Variants in ELAPOR1 observed in about 807,000 individuals in gnomAD.
The protein encoded by ELAPOR1 is endosome-lysosome associated apoptosis and autophagy regulator 1, also known as endosome/lysosome-associated apoptosis and autophagy regulator 1.
Under a neutral mutation model 119.7 loss-of-function variants are expected in ELAPOR1, and 77 were observed. That is an observed-to-expected ratio of 0.64 (90% CI 0.54 to 0.78). The LOEUF (loss-of-function observed/expected upper bound fraction) is 0.78, where lower values mean the gene tolerates loss of function less well. Among genes scored for constraint, ELAPOR1 ranks in the 30% least tolerant of loss-of-function variants. The probability of loss-of-function intolerance (pLI) is 0.00; values close to 1 mark genes in which losing one functional copy is unlikely to be tolerated. For missense variants in ELAPOR1, 1,115 were observed against 1,270.4 expected, an observed-to-expected ratio of 0.88 and a Z score of 1.86; for synonymous variants, 481 against 487.2, an observed-to-expected ratio of 0.99 and a Z score of 0.17.
chr1:109,118,334 G>A (rs567111155), intron 1 of ELAPOR1, among the ~76,000 whole-genome samples: 1 of 152,320 alleles, frequency 6.6e-6, no homozygotes, highest in South Asian at 2.1e-4. Context: ...TGGCTGAAAT[G>A]TGCAATAGTG....
intron 1 of ELAPOR1, among the ~76,000 whole-genome samples, chr1:109,148,921 T>C (rs893272123): frequency 1.3e-5 from 2 of 152,212 alleles, no homozygotes; most frequent in African/African-American, 4.8e-5. Flanking sequence ...ACATTTTGTT[T>C]CTTGGTGACA....
At chr1:109,138,057 G>A (rs746307030) in intron 1 of ELAPOR1, among the ~76,000 whole-genome samples, 1 of 152,170 alleles carries the variant, frequency 6.6e-6, no homozygotes, top group Admixed American at 6.5e-5. Context: ...CAACTAGTGG[G>A]AATCTCTTCT....
chr1:109,177,236 T>A (rs1355368861), intron 7 of ELAPOR1, among the ~76,000 whole-genome samples: 1 of 141,050 alleles, frequency 7.1e-6, no homozygotes, highest in African/African-American at 2.7e-5. Flanking sequence ...GGCGGGGGGC[T>A]GACCCCCCCA....
In ELAPOR1 at chr1:109,191,789, T is replaced by G. The variant is rs1246282015; in HGVS notation, c.1609T>G (p.Tyr537Asp). The change falls in exon 13 of 22, where the codon TAT becomes GAT. Residue 537 changes from tyrosine to aspartate, a missense_variant. By Grantham distance (160) the Tyr-to-Asp change is radical. Transcript: ENST00000369939. ...GAAAGGTTCCAAAGGCAAACAGTCCTATACCTACATCATTGAGGAGAACAC... is the reference window on the plus strand; with the variant it reads ...GAAAGGTTCCAAAGGCAAACAGTCCGATACCTACATCATTGAGGAGAACAC... ...TWKGSKGKQS[Y>D]TYIIEENTTT... is the part of the protein sequence containing the mutation. 1 of 1,614,100 alleles carries G rather than the reference T, an allele frequency of 6.2e-7. No individual in the cohort carries two copies. Among genetic ancestry groups the G allele is most frequent in the African/African-American group, 1.3e-5 (1 of 74,940 alleles).
chr1:109,136,562 G>A (rs1166811996), intron 1 of ELAPOR1, among the ~76,000 whole-genome samples: 2 of 152,184 alleles, frequency 1.3e-5, no homozygotes, highest in African/African-American at 4.8e-5. Context: ...GACGAATGCA[G>A]GCACCGTGAG....
chr1:109,157,574 T>A (rs779941532), intron 1 of ELAPOR1, among the ~76,000 whole-genome samples: 15 of 152,156 alleles, frequency 9.9e-5, no homozygotes, highest in Non-Finnish European at 2.2e-4. Flanking sequence ...ATAGCCTGCA[T>A]AACTATACAG....
At chr1:109,158,801 G>A (rs987250906) in intron 1 of ELAPOR1, among the ~76,000 whole-genome samples, 4 of 151,832 alleles carry the variant, frequency 2.6e-5, no homozygotes, top group African/African-American at 9.7e-5. Context: ...TGAGTAAACT[G>A]TCAGGGAATT....
At chr1:109,141,550 CGCCCA>C (rs1649831555) in intron 1 of ELAPOR1, among the ~76,000 whole-genome samples, 1 of 152,116 alleles carries the variant, frequency 6.6e-6, no homozygotes, top group African/African-American at 2.4e-5. Flanking sequence ...AGTGAGCCAC[CGCCCA>C]GCCCAAAGTA....
At position 109,195,895 on chromosome 1, in the gene ELAPOR1, G is replaced by T. The variant is rs139936055; in HGVS notation, c.2121+1301G>T. 4.8e-3 allele frequency among the ~76,000 whole-genome samples: 730 copies of T among 152,276 alleles called. 6 individuals are homozygous for T. The highest frequency in any genetic ancestry group is 0.017 in the African/African-American group (700 of 41,548). On this transcript the variant is annotated intron_variant, in intron 15 of 21. Coordinates refer to ENST00000369939, the MANE Select transcript of ELAPOR1 (RefSeq NM_020775.5). ...AAAGAGGCTGGGCATGGTGGCTCAC[G>T]CCTGTAATCCCAGCAATTTGGAGGC...
rs2101162476 is a variant in ELAPOR1, at chr1:109,205,273, G to T, written c.*2261G>T. ...TGTGCCCTTTCTCCAGTGACCATTT[G>T]GTGACCAGATGGTAGATATAGAAAG... On this transcript the variant is annotated 3_prime_UTR_variant, in exon 22 of 22. Transcript: ENST00000369939. 2 of 152,292 alleles carry T rather than the reference G, an allele frequency of 1.3e-5. No individual in the cohort carries two copies. The highest frequency in any genetic ancestry group is 2.1e-4 in the South Asian group (1 of 4,828). The allele number at this position is 152,292 out of a possible 1,614,324, so 9.4% of individuals were successfully genotyped here.
At chr1:109,147,898 C>T (rs985381013) in intron 1 of ELAPOR1, among the ~76,000 whole-genome samples, 16 of 151,590 alleles carry the variant, frequency 1.1e-4, no homozygotes, top group African/African-American at 3.6e-4. Context: ...GGCACCATCT[C>T]GTCTCACTGC....
chr1:109,179,497 G>T lies in ELAPOR1; in HGVS notation c.953-5548G>T, dbSNP rs1044606355. Among the ~76,000 whole-genome samples, 6 of 152,116 alleles carry T rather than the reference G, an allele frequency of 3.9e-5. No individual in the cohort carries two copies. The East Asian group carries it at 1.2e-3, about 29-fold the overall frequency. On this transcript the variant is annotated intron_variant, in intron 7 of 21. Transcript: ENST00000369939. ...ATTCAGCTTGGCTGGAGATTAGGTG[G>T]CGAGAAGTTGCATCTAAGGCTGAGA...
chr1:109,198,050 A>G lies in ELAPOR1; in HGVS notation c.2374A>G (p.Ile792Val), dbSNP rs370563341. The G allele has an allele frequency of 5.6e-6, 9 of 1,613,360 alleles. No homozygotes were observed. In the African/African-American group the frequency reaches 9.3e-5, roughly 17 times the overall value. ...AELFHLESLG[I>V]PDVIFFYRSN... ...ACTTTTCCACCTGGAGTCCTTGGGA[A>G]TACCGGACGTGATCTTCTTTTATAG... The change falls in exon 17 of 22, where the codon ATA (isoleucine) becomes GTA (valine). Residue 792 changes from isoleucine to valine, a missense_variant. Ile to Val is a conservative substitution (Grantham distance 29). Transcript: ENST00000369939.
intron 1 of ELAPOR1, among the ~76,000 whole-genome samples, chr1:109,129,373 G>C (rs909484513): frequency 6.6e-6 from 1 of 152,130 alleles, no homozygotes; most frequent in African/African-American, 2.4e-5. Flanking sequence ...AGCTGGGCGT[G>C]GTGGCACACG....
At chr1:109,127,029 T>TC (rs2100972192) in intron 1 of ELAPOR1, among the ~76,000 whole-genome samples, 1 of 152,186 alleles carries the variant, frequency 6.6e-6, no homozygotes, top group South Asian at 2.1e-4. Flanking sequence ...GTCTGTATTG[T>TC]CCCTCTGGTG....
chr1:109,176,249 G>A (rs1652279146), intron 7 of ELAPOR1, among the ~76,000 whole-genome samples: 1 of 152,168 alleles, frequency 6.6e-6, no homozygotes, highest in Non-Finnish European at 1.5e-5. Flanking sequence ...CCAGCAGATG[G>A]CTTTCTGCTC....
intron 1 of ELAPOR1, among the ~76,000 whole-genome samples, chr1:109,143,678 C>CT (rs939596372): frequency 1.3e-5 from 2 of 151,030 alleles, no homozygotes; most frequent in East Asian, 3.9e-4. Flanking sequence ...AAAGTTTGAA[C>CT]TTTTTTTTTG....
Position 109,187,293 on chromosome 1 carries a change from C to G in ELAPOR1, c.1042-884C>G, listed in dbSNP as rs1344995613. On this transcript the variant is annotated intron_variant, in intron 8 of 21. Transcript: ENST00000369939. ...AGACTCACAGGAGGCAGGTGAGGTT[C>G]AAGCCTGGGGCTCTGGCTGTCGCAG... 6 of 985,376 alleles carry G rather than the reference C, an allele frequency of 6.1e-6. No homozygotes were observed. In the Admixed American group the frequency reaches 3.7e-4, roughly 61 times the overall value. The allele number at this position is 985,376 out of a possible 1,614,324, so 61.0% of individuals were successfully genotyped here.
At chr1:109,188,145 C>T in intron 8 of ELAPOR1, 32 bp from the exon 9 acceptor site, 1 of 1,570,820 alleles carries the variant, frequency 6.4e-7, no homozygotes, top group Non-Finnish European at 8.7e-7. Context: ...AAATCTCACA[C>T]AGGCTGAGTT....
Sources: gnomAD v4.1 joint callset for allele counts (sites outside exome capture counted in the v4.1 genomes callset) on GRCh38, gnomAD v4.1.1 for gene constraint, MANE v1.5 for transcripts, NCBI Gene and HGNC (gene_info 2026-07-23, HGNC 2026-07-21) for gene names.